The following MPHOSPH9 variants were observed in gnomAD, a reference collection of about 807,000 sequenced individuals.
MPHOSPH9 encodes M-phase phosphoprotein 9.
A neutral mutation model predicts 145.5 loss-of-function variants in MPHOSPH9; 88 were observed. That is an observed-to-expected ratio of 0.60 (90% CI 0.51 to 0.72). The LOEUF (loss-of-function observed/expected upper bound fraction) is 0.72. Among genes scored for constraint, MPHOSPH9 ranks in the 30% least tolerant of loss-of-function variants. The probability of loss-of-function intolerance (pLI) is 0.00; values close to 1 mark genes in which losing one functional copy is unlikely to be tolerated. For synonymous variants in MPHOSPH9, 435 were observed against 486.2 expected (o/e 0.89, Z 1.39); for missense variants, 1,238 against 1,386.6 (o/e 0.89, Z 1.70).
rs965749892 is a variant in MPHOSPH9, at chr12:123,174,914, T to C, written c.2456+1774A>G. Among the ~76,000 whole-genome samples, 35 of 152,090 alleles carry C rather than the reference T, an allele frequency of 2.3e-4. 1 individual carries two copies. Among genetic ancestry groups the C allele is most frequent in the Non-Finnish European group, 4.4e-5 (3 of 68,020 alleles). On this transcript the variant is annotated intron_variant, in intron 16 of 23. Transcript: ENST00000606320. ...TACCTTGCCATCCAATTCACAACCA[T>C]ATCCTATAGATCCTACCTCTAGAAT...
chr12:123,211,709 T>TC (rs1593204550), intron 7 of MPHOSPH9, among the ~76,000 whole-genome samples: 2 of 98,858 alleles, frequency 2.0e-5, no homozygotes, highest in East Asian at 8.6e-4. Flanking sequence ...TTTTTTTTTT[T>TC]CTGAGACAGG....
upstream of MPHOSPH9, chr12:123,233,485 T>TG (rs1223787022): frequency 6.6e-6 from 1 of 152,270 alleles, no homozygotes; most frequent in Non-Finnish European, 1.5e-5. Context: ...TGAGGTGATT[T>TG]GGATATCCCT....
At chr12:123,195,336 C>G (rs2045894527) in intron 12 of MPHOSPH9, among the ~76,000 whole-genome samples, 1 of 152,108 alleles carries the variant, frequency 6.6e-6, no homozygotes, top group Non-Finnish European at 1.5e-5. Flanking sequence ...CCTGTAATCC[C>G]AGCACTTTGG....
chr12:123,210,997 T>C (rs1400534408), intron 7 of MPHOSPH9, among the ~76,000 whole-genome samples: 1 of 143,680 alleles, frequency 7.0e-6, no homozygotes, highest in Non-Finnish European at 1.5e-5. Context: ...TTTTTTTTTT[T>C]TTTTTGAGAC....
intron 7 of MPHOSPH9, among the ~76,000 whole-genome samples, chr12:123,213,101 C>T (rs1180339672): frequency 4.6e-5 from 7 of 151,974 alleles, no homozygotes; most frequent in Non-Finnish European, 2.9e-5. Context: ...CCTCGTGATC[C>T]GCCCGACCTG....
intron 5 of MPHOSPH9, among the ~76,000 whole-genome samples, chr12:123,219,669 TGA>T (rs1291015806): frequency 6.6e-6 from 1 of 151,526 alleles, no homozygotes; most frequent in Non-Finnish European, 1.5e-5. Context: ...ATCTCTACAA[TGA>T]GAGTGTATTT....
chr12:123,240,825 C>T (rs1189160402), intron 1 of MPHOSPH9: 1 of 149,004 alleles, frequency 6.7e-6, no homozygotes, highest in Non-Finnish European at 1.5e-5. Flanking sequence ...CCTCCGACTC[C>T]CGAGTTGAAG....
At chr12:123,243,183 G>A (rs1466115993) in intron 1 of MPHOSPH9, among the ~76,000 whole-genome samples, 1 of 151,926 alleles carries the variant, frequency 6.6e-6, no homozygotes, top group African/African-American at 2.4e-5. Flanking sequence ...CCATTTCAAA[G>A]TATATCCCTT....
chr12:123,214,741 T>A lies in MPHOSPH9; in HGVS notation c.1087+3A>T. ...AAAAAAAATAAAAATGTAAGTATCATACCTGTTCCTGAATCAGACATCCAA... is the reference window on the plus strand; with the variant it reads ...AAAAAAAATAAAAATGTAAGTATCAAACCTGTTCCTGAATCAGACATCCAA... On this transcript the variant is annotated splice_donor_region_variant and intron_variant, in intron 7 of 23. Transcript: ENST00000606320. 2.5e-6 allele frequency: 4 copies of A among 1,602,622 alleles called. No homozygotes were observed. The highest frequency in any genetic ancestry group is 2.6e-6 in the Non-Finnish European group (3 of 1,169,762).
At chr12:123,216,857 C>T (rs1264477931) in intron 6 of MPHOSPH9, among the ~76,000 whole-genome samples, 1 of 151,920 alleles carries the variant, frequency 6.6e-6, no homozygotes, top group Non-Finnish European at 1.5e-5. Context: ...GGCGTGGTGG[C>T]ACGCGCCTAT....
intron 16 of MPHOSPH9, among the ~76,000 whole-genome samples, chr12:123,168,496 C>T (rs995158328): frequency 1.4e-4 from 21 of 152,084 alleles, no homozygotes; most frequent in African/African-American, 4.8e-4. Flanking sequence ...CGCCTGCCAC[C>T]ACGCCCGGCT....
At chr12:123,186,450 T>C (rs528539998) in intron 13 of MPHOSPH9, among the ~76,000 whole-genome samples, 5 of 152,288 alleles carry the variant, frequency 3.3e-5, no homozygotes, top group African/African-American at 4.8e-5. Context: ...GTTTTCATTG[T>C]ATCATTCTTA....
rs1012353093 is a variant in MPHOSPH9 at position 123,210,823 on chromosome 12, C to T, written c.1088-661G>A. On this transcript the variant is annotated intron_variant, in intron 7 of 23. Coordinates refer to ENST00000606320, the MANE Select transcript of MPHOSPH9 (RefSeq NM_022782.4). ...GGTCTCTTTTTTTGAGACAGAGTCT[C>T]GCTCTGTTGCCCAAGATGGAATGCA... Among the ~76,000 whole-genome samples, 4 of 151,892 alleles carry T rather than the reference C, an allele frequency of 2.6e-5. No individual in the cohort carries two copies. In the East Asian group the frequency reaches 5.8e-4, roughly 22 times the overall value.
chr12:123,158,013 G>A (rs1195860184), intron 23 of MPHOSPH9, among the ~76,000 whole-genome samples: 5 of 150,966 alleles, frequency 3.3e-5, no homozygotes, highest in Admixed American at 6.6e-5. Context: ...TGGGGGAGAC[G>A]GAGTCTCGCT....
intron 12 of MPHOSPH9, among the ~76,000 whole-genome samples, chr12:123,197,325 C>T (rs2046003582): frequency 1.3e-5 from 2 of 151,892 alleles, no homozygotes; most frequent in Admixed American, 1.3e-4. Flanking sequence ...GGGACCACAG[C>T]TGTGCACCAC....
downstream of MPHOSPH9, chr12:123,152,956 A>G (rs1216562579): frequency 6.3e-6 from 1 of 159,430 alleles, no homozygotes; most frequent in Non-Finnish European, 1.4e-5. Flanking sequence ...TTAAAGTGAC[A>G]AAAGTGTCTA....
In MPHOSPH9 at chr12:123,159,247, T is replaced by A. The variant is rs1015081760; in HGVS notation, c.3450+1534A>T. 4.0e-5 allele frequency among the ~76,000 whole-genome samples: 6 copies of A among 151,540 alleles called. No homozygotes were observed. Among genetic ancestry groups the A allele is most frequent in the African/African-American group, 1.5e-4 (6 of 41,284 alleles). Reference sequence around the variant, plus strand: ...GGCACGATCTCAGCTCAATGCAACCTCCACCACCCAGGTTCAAGCGATTCT... The same window carrying A: ...GGCACGATCTCAGCTCAATGCAACCACCACCACCCAGGTTCAAGCGATTCT... On this transcript the variant is annotated intron_variant, in intron 23 of 23. Coordinates refer to ENST00000606320, the MANE Select transcript of MPHOSPH9 (RefSeq NM_022782.4). The surrounding 1 kb of genome is among the most constrained non-coding windows in gnomAD (Gnocchi z 4.3).
chr12:123,180,208 G>A (rs1338037067), intron 14 of MPHOSPH9, among the ~76,000 whole-genome samples: 1 of 152,068 alleles, frequency 6.6e-6, no homozygotes, highest in Non-Finnish European at 1.5e-5. Flanking sequence ...AAGTCCCCTG[G>A]GTAACAGATA....
chr12:123,228,514 A>C (rs1014658068), intron 2 of MPHOSPH9, among the ~76,000 whole-genome samples: 38 of 152,204 alleles, frequency 2.5e-4, no homozygotes, highest in Admixed American at 1.8e-3. Context: ...ATGGTGAAAC[A>C]CCATCTCTAC....
Sources: gnomAD v4.1 joint callset for allele counts (sites outside exome capture counted in the v4.1 genomes callset) on GRCh38, gnomAD v4.1.1 for gene constraint, Gnocchi (gnomAD v3.1) non-coding constraint, MANE v1.5 for transcripts, NCBI Gene and HGNC (gene_info 2026-07-23, HGNC 2026-07-21) for gene names.